The following DLC1 variants were observed in gnomAD, a reference collection of about 807,000 sequenced individuals.
The protein encoded by DLC1 is DLC1 Rho GTPase activating protein, also known as rho GTPase-activating protein 7.
In DLC1, 54 loss-of-function variants were observed where a neutral mutation model predicts 140.3. The ratio of observed to expected loss-of-function variants is 0.38; its 90% confidence interval spans 0.31 to 0.48. The LOEUF is 0.48. Ranked by LOEUF, DLC1 falls within the 20% of genes least tolerant of loss-of-function variation. DLC1 has a pLI of 0.96. For missense variants in DLC1, 2,536 were observed against 1,907.0 expected, an observed-to-expected ratio of 1.33 and a Z score of -6.14; for synonymous variants, 986 against 728.1, an observed-to-expected ratio of 1.35 and a Z score of -5.70.
intron 1 of DLC1, among the ~76,000 whole-genome samples, chr8:13,536,359 G>A (rs1563426423): frequency 6.6e-6 from 1 of 152,164 alleles, no homozygotes; most frequent in Non-Finnish European, 1.5e-5. Context: ...TTATAATCAT[G>A]GAGCTGAATT....
At chr8:13,179,366 C>G (rs1238958444) in intron 5 of DLC1, among the ~76,000 whole-genome samples, 2 of 152,008 alleles carry the variant, frequency 1.3e-5, no homozygotes, top group Non-Finnish European at 2.9e-5. Flanking sequence ...TTCATTTAAC[C>G]CTAACCCTAA....
At chr8:13,535,226 C>T (rs1803236875) in intron 1 of DLC1, among the ~76,000 whole-genome samples, 1 of 152,040 alleles carries the variant, frequency 6.6e-6, no homozygotes, top group Non-Finnish European at 1.5e-5. Flanking sequence ...TCTAAATAGT[C>T]ATGTGTACAT....
At chr8:13,392,109 A>G (rs1344383) in intron 4 of DLC1, among the ~76,000 whole-genome samples, 32,024 of 152,100 alleles carry the variant, frequency 0.21, 3,977 homozygotes, top group Admixed American at 0.26. Context: ...GTTGGCACAC[A>G]TTACTGTTGA....
At chr8:13,304,666 A>G in intron 5 of DLC1, 12 of 944,494 alleles carry the variant, frequency 1.3e-5, no homozygotes, top group Non-Finnish European at 1.5e-5. Context: ...AACACATAAG[A>G]TAGTATGATT....
intron 4 of DLC1, chr8:13,340,822 C>T (rs1331796764): frequency 2.0e-5 from 3 of 152,190 alleles, no homozygotes; most frequent in Non-Finnish European, 4.4e-5. Context: ...AAAATATATG[C>T]CCTGGCTTTG....
At chr8:13,468,183 A>G (rs1282460957) in intron 2 of DLC1, among the ~76,000 whole-genome samples, 2 of 152,302 alleles carry the variant, frequency 1.3e-5, no homozygotes, top group East Asian at 3.9e-4. Context: ...CCATTTAGCT[A>G]AGTAATACTT....
At chr8:13,090,968 C>T (rs888370745) in intron 14 of DLC1, among the ~76,000 whole-genome samples, 1 of 151,868 alleles carries the variant, frequency 6.6e-6, no homozygotes, top group African/African-American at 2.4e-5. Context: ...CCACACCCGG[C>T]TAATTTTTAA....
intron 5 of DLC1, among the ~76,000 whole-genome samples, chr8:13,281,227 C>G (rs1586064581): frequency 6.6e-6 from 1 of 152,170 alleles, no homozygotes; most frequent in Non-Finnish European, 1.5e-5. Context: ...ACTTGTTAAT[C>G]TGCTTCTACA....
chr8:13,544,846 T>C (rs931597313), intron 1 of DLC1, among the ~76,000 whole-genome samples: 13 of 152,186 alleles, frequency 8.5e-5, no homozygotes. Flanking sequence ...TGATTCAATG[T>C]CTCTTTGTTC....
intron 4 of DLC1, among the ~76,000 whole-genome samples, chr8:13,360,310 A>G (rs1309308799): frequency 8.5e-5 from 13 of 152,344 alleles, no homozygotes; most frequent in African/African-American, 2.9e-4. Context: ...GAAATTTAAT[A>G]TCTACCACTG....
chr8:13,409,824 A>G (rs575448305), intron 2 of DLC1, among the ~76,000 whole-genome samples: 51 of 152,266 alleles, frequency 3.3e-4, no homozygotes, highest in African/African-American at 1.1e-3. Context: ...GTATACTTGT[A>G]TAGCTTTGGA....
intron 1 of DLC1, among the ~76,000 whole-genome samples, chr8:13,512,982 TTTTA>T (rs1325662632): frequency 7.4e-5 from 10 of 135,114 alleles, no homozygotes; most frequent in Admixed American, 4.4e-4. Flanking sequence ...TTTTTTTTTT[TTTTA>T]AATTAGAGGA....
chr8:13,136,661 A>G (rs765013972), intron 5 of DLC1, among the ~76,000 whole-genome samples: 1 of 152,146 alleles, frequency 6.6e-6, no homozygotes, highest in Admixed American at 6.5e-5. Flanking sequence ...TAGCCTCCCA[A>G]GTAGCTGGCA....
rs577450448 is a variant in DLC1 at position 13,187,427 on chromosome 8, T to A, written c.1349-71770A>T. 3.9e-5 allele frequency among the ~76,000 whole-genome samples: 6 copies of A among 152,336 alleles called. No homozygotes were observed. The East Asian group carries it at 9.7e-4, about 25-fold the overall frequency. On this transcript the variant is annotated intron_variant, in intron 5 of 17. Coordinates refer to ENST00000276297, the MANE Select transcript of DLC1 (RefSeq NM_182643.3). ...CATTGGGGCAGAGATTGTGTCATGTTAATTTTTCTGATCTTCAGATTTTAG... is the reference window on the plus strand; with the variant it reads ...CATTGGGGCAGAGATTGTGTCATGTAAATTTTTCTGATCTTCAGATTTTAG...
intron 5 of DLC1, among the ~76,000 whole-genome samples, chr8:13,252,376 A>C (rs1013664590): frequency 1.3e-5 from 2 of 152,192 alleles, no homozygotes; most frequent in Non-Finnish European, 2.9e-5. Flanking sequence ...AAAGACCTCC[A>C]AACCCTGCTG....
At chr8:13,591,624 T>C (rs1301516699) in intron 1 of DLC1, among the ~76,000 whole-genome samples, 2 of 152,080 alleles carry the variant, frequency 1.3e-5, no homozygotes, top group African/African-American at 4.8e-5. Flanking sequence ...GGGATAAATA[T>C]TAGGAGTGTT....
At chr8:13,453,474 A>G (rs909997837) in intron 2 of DLC1, among the ~76,000 whole-genome samples, 1 of 35,368 alleles carries the variant, frequency 2.8e-5, no homozygotes. Flanking sequence ...ATATATACAT[A>G]TATATGTATA....
chr8:13,345,125 G>T (rs1434109279), intron 4 of DLC1, among the ~76,000 whole-genome samples: 1 of 152,084 alleles, frequency 6.6e-6, no homozygotes, highest in Non-Finnish European at 1.5e-5. Context: ...ACTTTGGGTG[G>T]AGACTCATTT....
chr8:13,313,878 C>A (rs1238434502), intron 4 of DLC1, among the ~76,000 whole-genome samples: 2 of 152,018 alleles, frequency 1.3e-5, no homozygotes, highest in African/African-American at 4.8e-5. Context: ...AGGTTTGTCA[C>A]CCCAAACTAG....
Sources: gnomAD v4.1 joint callset for allele counts (sites outside exome capture counted in the v4.1 genomes callset) on GRCh38, gnomAD v4.1.1 for gene constraint, MANE v1.5 for transcripts, NCBI Gene and HGNC (gene_info 2026-07-23, HGNC 2026-07-21) for gene names.